COL5A2: variants seen among roughly 807,000 people sequenced by gnomAD.
COL5A2 encodes collagen alpha-2(V) chain.
COL5A2 carries 23 observed loss-of-function variants against 208.2 expected under a neutral mutation model. The observed-to-expected ratio is 0.11, with a 90% CI of 0.08 to 0.16. The LOEUF (loss-of-function observed/expected upper bound fraction) is 0.16. Among genes scored for constraint, COL5A2 ranks in the 10% least tolerant of loss-of-function variants. COL5A2 has a pLI of 1.00. For synonymous variants in COL5A2, 625 were observed against 628.5 expected (o/e 0.99, Z 0.08); for missense variants, 1,590 against 1,956.4 (o/e 0.81, Z 3.53).
intron 1 of COL5A2, among the ~76,000 whole-genome samples, chr2:189,145,696 T>C (rs62182421): frequency 0.14 from 21,761 of 151,994 alleles, 1,981 homozygotes; most frequent in Non-Finnish European, 0.2. Context: ...TAAAGAAAAA[T>C]ACATACTTTT....
At chr2:189,148,796 T>C (rs1012059894) in intron 1 of COL5A2, among the ~76,000 whole-genome samples, 1 of 152,114 alleles carries the variant, frequency 6.6e-6, no homozygotes, top group Non-Finnish European at 1.5e-5. Flanking sequence ...TCCCAAAATA[T>C]ATTAGTGGTC....
chr2:189,374,040 G>A, the COL5A2 span, among the ~76,000 whole-genome samples: 3 of 151,972 alleles, frequency 2.0e-5, no homozygotes, highest in Non-Finnish European at 4.4e-5. Context: ...ATTTTTGAAG[G>A]AAAAAATGTC....
intron 1 of COL5A2, among the ~76,000 whole-genome samples, chr2:189,209,311 C>A (rs953643764): frequency 1.3e-5 from 2 of 152,096 alleles, no homozygotes; most frequent in Non-Finnish European, 2.9e-5. Flanking sequence ...ATTAGGAGAC[C>A]AGTTAAAAAG....
chr2:189,235,878 T>C, the COL5A2 span, among the ~76,000 whole-genome samples: 1 of 151,568 alleles, frequency 6.6e-6, no homozygotes, highest in Non-Finnish European at 1.5e-5. Flanking sequence ...CTAGTAATAG[T>C]GTCTCATTGT....
intron 47 of COL5A2, among the ~76,000 whole-genome samples, chr2:189,043,669 C>T (rs994475754): frequency 2.0e-5 from 3 of 151,992 alleles, no homozygotes; most frequent in Non-Finnish European, 4.4e-5. Context: ...TTCATACTTG[C>T]CGTGTGTAAC....
chr2:189,203,426 C>T (rs1408118337), intron 1 of COL5A2, among the ~76,000 whole-genome samples: 36 of 152,138 alleles, frequency 2.4e-4, no homozygotes. Context: ...CAGCTGTATG[C>T]AGAATACTTT....
At chr2:189,265,696 AC>A in the COL5A2 span, among the ~76,000 whole-genome samples, 1 of 152,328 alleles carries the variant, frequency 6.6e-6, no homozygotes, top group Non-Finnish European at 1.5e-5. Flanking sequence ...CAAAGAAGAT[AC>A]ACAAATACCT....
chr2:189,381,558 T>C, the COL5A2 span, among the ~76,000 whole-genome samples: 1 of 151,996 alleles, frequency 6.6e-6, no homozygotes, highest in Non-Finnish European at 1.5e-5. Flanking sequence ...TAAATGTTGA[T>C]AAAGAGGGTT....
chr2:189,356,333 G>A, the COL5A2 span, among the ~76,000 whole-genome samples: 2 of 150,880 alleles, frequency 1.3e-5, no homozygotes, highest in East Asian at 1.9e-4. Context: ...TGCTAGGTTG[G>A]GGAAGGTCTC....
the COL5A2 span, among the ~76,000 whole-genome samples, chr2:189,299,120 A>T: frequency 6.6e-6 from 1 of 152,190 alleles, no homozygotes; most frequent in Non-Finnish European, 1.5e-5. Context: ...TAAATATTGT[A>T]TTAAACCCAC....
intron 50 of COL5A2, among the ~76,000 whole-genome samples, chr2:189,041,075 C>T (rs1054787443): frequency 6.6e-6 from 1 of 152,162 alleles, no homozygotes; most frequent in Non-Finnish European, 1.5e-5. Flanking sequence ...GTTTCCCAGA[C>T]CTGAGAAGCA....
chr2:189,146,161 T>G (rs1360715046), intron 1 of COL5A2, among the ~76,000 whole-genome samples: 4 of 152,116 alleles, frequency 2.6e-5, no homozygotes, highest in Non-Finnish European at 5.9e-5. Flanking sequence ...AATTTTACCA[T>G]TTAGTAAGAA....
At chr2:189,272,688 C>A in the COL5A2 span, among the ~76,000 whole-genome samples, 2 of 151,926 alleles carry the variant, frequency 1.3e-5, no homozygotes, top group Admixed American at 1.3e-4. Context: ...CAATTTCCAA[C>A]TATTTAGAAA....
At chr2:189,259,354 A>G in the COL5A2 span, among the ~76,000 whole-genome samples, 8 of 152,178 alleles carry the variant, frequency 5.3e-5, no homozygotes, top group Non-Finnish European at 1.0e-4. Context: ...TTCCAAGGTT[A>G]TTTTTAACCT....
chr2:189,316,017 G>A, the COL5A2 span, among the ~76,000 whole-genome samples: 2 of 152,138 alleles, frequency 1.3e-5, no homozygotes, highest in Non-Finnish European at 2.9e-5. Flanking sequence ...TGGTGGGAGT[G>A]TAAATTAGTT....
chr2:189,298,437 C>T, the COL5A2 span, among the ~76,000 whole-genome samples: 1 of 152,206 alleles, frequency 6.6e-6, no homozygotes, highest in Non-Finnish European at 1.5e-5. Flanking sequence ...CATGGCTATA[C>T]ATCTACTGCC....
the COL5A2 span, among the ~76,000 whole-genome samples, chr2:189,369,857 C>G: frequency 6.6e-6 from 1 of 152,196 alleles, no homozygotes; most frequent in Non-Finnish European, 1.5e-5. Context: ...TAGCAGGTCA[C>G]ACGACTGAAC....
the COL5A2 span, among the ~76,000 whole-genome samples, chr2:189,359,384 T>C: frequency 6.6e-6 from 1 of 152,194 alleles, no homozygotes; most frequent in African/African-American, 2.4e-5. Context: ...TTTATTGATA[T>C]GCACATTTGA....
At chr2:189,066,549 T>C (rs1276419033) in intron 22 of COL5A2, 52 bp from the exon 23 acceptor site, 23 of 1,557,298 alleles carry the variant, frequency 1.5e-5, no homozygotes, top group Non-Finnish European at 2.0e-5. Flanking sequence ...ACCAGTGAAT[T>C]ATAGTTGGAA....
Sources: gnomAD v4.1 joint callset for allele counts (sites outside exome capture counted in the v4.1 genomes callset) on GRCh38, gnomAD v4.1.1 for gene constraint, MANE v1.5 for transcripts, NCBI Gene and HGNC (gene_info 2026-07-23, HGNC 2026-07-21) for gene names.